PELI1: variants seen among roughly 807,000 people sequenced by gnomAD.
The protein encoded by PELI1 is pellino E3 ubiquitin protein ligase 1.
In PELI1, 15 loss-of-function variants were observed where a neutral mutation model predicts 41.3. The observed-to-expected ratio is 0.36, with a 90% confidence interval of 0.24 to 0.56. The LOEUF is 0.56. PELI1 is among the 20% of genes least tolerant of loss of function. The probability of loss-of-function intolerance (pLI) is 0.82; values close to 1 mark genes in which losing one functional copy is unlikely to be tolerated. For missense variants in PELI1, 403 were observed against 525.5 expected, an observed-to-expected ratio of 0.77 and a Z score of 2.28; for synonymous variants, 178 against 180.1, an observed-to-expected ratio of 0.99 and a Z score of 0.09.
chr2:64,101,888 T>A (rs1267767074), intron 3 of PELI1, among the ~76,000 whole-genome samples: 5 of 144,332 alleles, frequency 3.5e-5, no homozygotes, highest in African/African-American at 1.3e-4. Flanking sequence ...AGTGCAGTGG[T>A]GCTATCTCGG....
At chr2:64,113,868 A>G (rs1457543907) in intron 1 of PELI1, among the ~76,000 whole-genome samples, 3 of 152,186 alleles carry the variant, frequency 2.0e-5, no homozygotes, top group Admixed American at 6.5e-5. Flanking sequence ...AAAACTGAGA[A>G]ATCAATCTTT....
intron 1 of PELI1, among the ~76,000 whole-genome samples, chr2:64,136,570 T>C (rs1217503899): frequency 6.6e-6 from 1 of 152,234 alleles, no homozygotes; most frequent in Admixed American, 6.5e-5. Context: ...TAAAAGTTCA[T>C]AAGTTCTACT....
chr2:64,131,947 T>A (rs17039958), intron 1 of PELI1, among the ~76,000 whole-genome samples: 3,463 of 152,198 alleles, frequency 0.023, 113 homozygotes, highest in African/African-American at 0.077. Context: ...ACCAGTATTG[T>A]AGGAGGCAGA....
rs537000200 is a variant in PELI1 at position 64,104,681 on chromosome 2, C to CTTTTTTT, written c.201+13_201+19dup. The CTTTTTTT allele has an allele frequency of 1.4e-6, 2 of 1,466,272 alleles. No individual in the cohort carries two copies. The highest frequency in any genetic ancestry group is 9.0e-7 in the Non-Finnish European group (1 of 1,108,498). 90.8% of individuals were successfully genotyped at this position (1,466,272 alleles called of 1,614,324 possible). A position where few individuals can be genotyped will look rare whatever the true frequency, so the allele number is the denominator to read the frequency against. On this transcript the variant is annotated intron_variant, in intron 3 of 6. Transcript: ENST00000358912. ...AAATTCTCCAAGTTAATTTATGTAG[C>CTTTTTTT]TTTTTTTTTTTTTTTTTACCTTTGC...
At chr2:64,110,045 G>C (rs1402962247) in intron 1 of PELI1, among the ~76,000 whole-genome samples, 1 of 152,054 alleles carries the variant, frequency 6.6e-6, no homozygotes, top group Non-Finnish European at 1.5e-5. Context: ...AGGAGTTCGA[G>C]ACCAGCCTGG....
rs552139666 is a variant in PELI1 at position 64,124,203 on chromosome 2, C to T, written c.-69-15824G>A. Among the ~76,000 whole-genome samples the T allele has an allele frequency of 1.2e-4, 18 of 152,182 alleles. No homozygotes were observed. In the South Asian group the frequency reaches 1.2e-3, roughly 11 times the overall value. ...AGGCTATGACATGAGATTTGTTTTT[C>T]GGGTGAAAATGTTCTAAAATTGATT... On this transcript the variant is annotated intron_variant, in intron 1 of 6. Transcript: ENST00000358912.
chr2:64,136,713 G>C (rs1003315281), intron 1 of PELI1, among the ~76,000 whole-genome samples: 1 of 152,282 alleles, frequency 6.6e-6, no homozygotes, highest in African/African-American at 2.4e-5. Flanking sequence ...GCCCATCCTT[G>C]CCAACATGGT....
At position 64,092,875 on chromosome 2, in the gene PELI1, TTTAC is replaced by T. The variant is rs547669546; in HGVS notation, c.*1823_*1826del. ...ATTCAATTATGTATTTTGAAAAGTA[TTTAC>T]TTAGTTTAAATAAATTAATTGCAAA... is the stretch of plus-strand genomic sequence containing the variant. On this transcript the variant is annotated 3_prime_UTR_variant, in exon 7 of 7. Transcript: ENST00000358912. 2.6e-5 allele frequency: 4 copies of T among 152,368 alleles called. No individual in the cohort carries two copies. The highest frequency in any genetic ancestry group is 2.6e-4 in the Admixed American group (4 of 15,312). 9.4% of individuals were successfully genotyped at this position (152,368 alleles called of 1,614,324 possible).
chr2:64,095,174 G>A lies in PELI1; in HGVS notation c.785C>T (p.Thr262Ile). Residue 262 changes from threonine to isoleucine, a missense_variant, in exon 7 of 7, where the codon ACT becomes ATT. Transcript: ENST00000358912. ...LWRTAEGLSH[T>I]PTVKHLEALR... ...AGCTTCTAAATGCTTCACGGTAGGA[G>A]TGTGGGAAAGGCCTTCTGCAGTACG... The A allele has an allele frequency of 1.2e-6, 2 of 1,614,098 alleles. No individual in the cohort carries two copies. The highest frequency in any genetic ancestry group is 1.7e-6 in the Non-Finnish European group (2 of 1,179,926).
chr2:64,104,323 C>T (rs1680545555), intron 3 of PELI1, among the ~76,000 whole-genome samples: 1 of 152,132 alleles, frequency 6.6e-6, no homozygotes, highest in South Asian at 2.1e-4. Context: ...TATTATACAT[C>T]ACATTCTTCA....
At chr2:64,134,241 G>C (rs1007599854) in intron 1 of PELI1, among the ~76,000 whole-genome samples, 1 of 152,066 alleles carries the variant, frequency 6.6e-6, no homozygotes, top group East Asian at 1.9e-4. Flanking sequence ...AAATCAACAC[G>C]TTATTTCTAA....
In PELI1 at chr2:64,092,990, A is replaced by G. The variant is rs1680105211; in HGVS notation, c.*1712T>C. On this transcript the variant is annotated 3_prime_UTR_variant, in exon 7 of 7. Coordinates refer to ENST00000358912, the MANE Select transcript of PELI1 (RefSeq NM_020651.4). ...ACTTGCTTTCTTGCATTAGTCACAA[A>G]GCATGTGACAATCTAGAAAACTTCA... The G allele has an allele frequency of 6.6e-6, 1 of 152,622 alleles. No individual in the cohort carries two copies. Among genetic ancestry groups the G allele is most frequent in the Admixed American group, 6.5e-5 (1 of 15,284 alleles). The allele number at this position is 152,622 out of a possible 1,614,324, so 9.5% of individuals were successfully genotyped here. A position where few individuals can be genotyped will look rare whatever the true frequency, so the allele number is the denominator to read the frequency against.
intron 2 of PELI1, among the ~76,000 whole-genome samples, chr2:64,105,346 G>A (rs1205636865): frequency 6.6e-6 from 1 of 152,142 alleles, no homozygotes; most frequent in Non-Finnish European, 1.5e-5. Flanking sequence ...CTCTCATTAT[G>A]TTAGCAGAAC....
chr2:64,141,806 C>T (rs1681922938), intron 1 of PELI1, among the ~76,000 whole-genome samples: 1 of 152,182 alleles, frequency 6.6e-6, no homozygotes, highest in Non-Finnish European at 1.5e-5. Flanking sequence ...TTTAAGGGGT[C>T]TCAAAGAAAT....
At chr2:64,131,975 A>G (rs1178867798) in intron 1 of PELI1, among the ~76,000 whole-genome samples, 1 of 152,168 alleles carries the variant, frequency 6.6e-6, no homozygotes, top group East Asian at 1.9e-4. Flanking sequence ...TGGAAAGAAA[A>G]CAGAGGTCTT....
rs770259968 is a variant in PELI1, at chr2:64,096,653, A to G, written c.304-43T>C. On this transcript the variant is annotated intron_variant, in intron 4 of 6. Transcript: ENST00000358912. ...ATACCTATAAACCCATTCAAAGAGC[A>G]CAGTGGAAAATCCATTCAAGAAGGG... 10 of 1,331,006 alleles carry G rather than the reference A, an allele frequency of 7.5e-6. No homozygotes were observed. The East Asian group carries it at 2.3e-4, about 31-fold the overall frequency. The allele number at this position is 1,331,006 out of a possible 1,614,324, so 82.4% of individuals were successfully genotyped here. A position where few individuals can be genotyped will look rare whatever the true frequency, so the allele number is the denominator to read the frequency against.
At chr2:64,107,002 CA>C (rs1680643842) in intron 2 of PELI1, among the ~76,000 whole-genome samples, 1 of 152,098 alleles carries the variant, frequency 6.6e-6, no homozygotes, top group Non-Finnish European at 1.5e-5. Flanking sequence ...GATCTCAGCT[CA>C]CTGCAACCTC....
chr2:64,120,001 T>C (rs717382), intron 1 of PELI1, among the ~76,000 whole-genome samples: 47,407 of 152,126 alleles, frequency 0.31, 8,055 homozygotes, highest in East Asian at 0.77. Flanking sequence ...AAATACTATA[T>C]TATCCCAGGC....
intron 3 of PELI1, among the ~76,000 whole-genome samples, chr2:64,104,148 G>C (rs1008995761): frequency 2.6e-5 from 4 of 152,154 alleles, no homozygotes; most frequent in African/African-American, 7.2e-5. Flanking sequence ...TCATAGCTTT[G>C]ATTCAACTTA....
Sources: allele counts gnomAD v4.1 joint callset (sites outside exome capture counted in the v4.1 genomes callset), GRCh38; gene constraint gnomAD v4.1.1; transcripts MANE v1.5; gene names NCBI Gene and HGNC (gene_info 2026-07-23, HGNC 2026-07-21).